PIGK: variants seen among roughly 807,000 people sequenced by gnomAD.
The protein encoded by PIGK is phosphatidylinositol glycan anchor biosynthesis class K, also known as GPI-anchor transamidase.
In PIGK, 42 loss-of-function variants were observed where a neutral mutation model predicts 50.6. That is an observed-to-expected ratio of 0.83 (90% CI 0.65 to 1.07). PIGK has a LOEUF of 1.07. Ranked by LOEUF, PIGK falls within the 50% of genes least tolerant of loss-of-function variation. The pLI, the probability that PIGK is intolerant of heterozygous loss-of-function variation, is 0.00. For synonymous variants in PIGK, 151 were observed against 156.0 expected (o/e 0.97, Z 0.24); for missense variants, 448 against 488.7 (o/e 0.92, Z 0.78).
chr1:77,152,787 A>C (rs1450011719), intron 9 of PIGK, among the ~76,000 whole-genome samples: 1 of 152,066 alleles, frequency 6.6e-6, no homozygotes, highest in Admixed American at 6.6e-5. Context: ...CAAAATCACT[A>C]ATCATCAAAG....
chr1:77,192,373 T>C (rs1444001159), intron 3 of PIGK, among the ~76,000 whole-genome samples: 1 of 152,186 alleles, frequency 6.6e-6, no homozygotes, highest in South Asian at 2.1e-4. Flanking sequence ...AATATAATGG[T>C]GTTCATTCTC....
rs183360957 is a variant in PIGK, at chr1:77,159,481, T to C, written c.813+1814A>G. Among the ~76,000 whole-genome samples, 158 of 152,220 alleles carry C rather than the reference T, an allele frequency of 1.0e-3. 1 individual carries two copies. The highest frequency in any genetic ancestry group is 3.6e-3 in the African/African-American group (148 of 41,538). Reference sequence around the variant, plus strand: ...GTCCTCCAGGTCCCAGAATGGTAGATCCACTGACAGCTTCCACTGTGTACC... The same window carrying C: ...GTCCTCCAGGTCCCAGAATGGTAGACCCACTGACAGCTTCCACTGTGTACC... On this transcript the variant is annotated intron_variant, in intron 8 of 10. Transcript: ENST00000370812.
chr1:77,110,398 G>A (rs1323306553), intron 10 of PIGK, among the ~76,000 whole-genome samples: 1 of 152,056 alleles, frequency 6.6e-6, no homozygotes, highest in Non-Finnish European at 1.5e-5. Context: ...CATGGTACTG[G>A]TACCAAAACA....
At chr1:77,092,605 G>C in intron 10 of PIGK, 115 bp from the exon 11 acceptor site, 1 of 677,640 alleles carries the variant, frequency 1.5e-6, no homozygotes, top group East Asian at 2.8e-5. Context: ...ATGGGGACTA[G>C]TTAGTCAAAT....
At chr1:77,209,377 C>T (rs572771175) in intron 2 of PIGK, among the ~76,000 whole-genome samples, 1 of 150,776 alleles carries the variant, frequency 6.6e-6, no homozygotes, top group Admixed American at 6.6e-5. Context: ...TAAGGTTGGG[C>T]AAAAGGCAGA....
In PIGK at chr1:77,161,337, CA is replaced by C; in HGVS notation, c.770del (p.Leu257TrpfsTer12). 6.2e-7 allele frequency: 1 copy of C among 1,603,722 alleles called. No individual in the cohort carries two copies. Among genetic ancestry groups the C allele is most frequent in the Non-Finnish European group, 8.5e-7 (1 of 1,170,858 alleles). ...TTTGGCTAGCTGGGTTAATTTCTTC[CA>C]AAAATTCCAAGACATAAAATGTGTA... Reference protein sequence around the residue: ...DRYTFYVLEFLEEINPASQTN... With the variant: ...DRYTFYVLEFXEEINPASQTN... On this transcript the variant is annotated frameshift_variant, in exon 8 of 11. Coordinates refer to ENST00000370812, the MANE Select transcript of PIGK (RefSeq NM_005482.3). LOFTEE classifies it high-confidence loss of function.
chr1:77,194,752 T>C, intron 3 of PIGK: 6 of 340,384 alleles, frequency 1.8e-5, no homozygotes, highest in South Asian at 1.5e-4. Context: ...AATTTACCCA[T>C]ATAACAAATC....
intron 10 of PIGK, among the ~76,000 whole-genome samples, chr1:77,099,022 A>G (rs12406806): frequency 0.18 from 26,683 of 152,100 alleles, 2,533 homozygotes; most frequent in East Asian, 0.36. Flanking sequence ...AGGATTTGTA[A>G]CACTTCTAGG....
chr1:77,153,742 G>A (rs1243512784), intron 9 of PIGK: 7 of 151,972 alleles, frequency 4.6e-5, no homozygotes, highest in Admixed American at 4.6e-4. Flanking sequence ...TTGAAATTTT[G>A]AAAATTGCTG....
intron 9 of PIGK, among the ~76,000 whole-genome samples, chr1:77,150,910 C>A (rs988362950): frequency 6.6e-6 from 1 of 152,020 alleles, no homozygotes; most frequent in African/African-American, 2.4e-5. Context: ...CTGAATTCTG[C>A]CAAACATTTA....
intron 3 of PIGK, chr1:77,195,165 G>A: frequency 8.1e-7 from 1 of 1,239,866 alleles, no homozygotes; most frequent in Non-Finnish European, 1.2e-6. Flanking sequence ...ATGAGATTGG[G>A]TCAGAGGAGA....
At chr1:77,122,725 C>T (rs1654130229) in intron 9 of PIGK, among the ~76,000 whole-genome samples, 1 of 152,134 alleles carries the variant, frequency 6.6e-6, no homozygotes, top group African/African-American at 2.4e-5. Context: ...TCCAGCAACC[C>T]TTTCTCTATT....
chr1:77,210,936 A>C (rs1656404234), intron 1 of PIGK, among the ~76,000 whole-genome samples: 1 of 152,040 alleles, frequency 6.6e-6, no homozygotes, highest in Non-Finnish European at 1.5e-5. Context: ...TATAACTCAT[A>C]TCTTTCTATT....
chr1:77,196,475 G>A (rs1656039970), intron 3 of PIGK, among the ~76,000 whole-genome samples: 1 of 152,054 alleles, frequency 6.6e-6, no homozygotes, highest in South Asian at 2.1e-4. Context: ...CTGCAGCCTT[G>A]CCAACATCTT....
At chr1:77,203,474 G>A (rs1469152351) in intron 3 of PIGK, among the ~76,000 whole-genome samples, 1 of 152,164 alleles carries the variant, frequency 6.6e-6, no homozygotes. Context: ...ACTTAGATAA[G>A]AAACTGGTCA....
intron 3 of PIGK, chr1:77,195,541 T>C (rs753378845): frequency 3.2e-5 from 14 of 436,472 alleles, no homozygotes; most frequent in Non-Finnish European, 5.6e-5. Context: ...TTACAGAGAT[T>C]ACAACTCAAA....
chr1:77,187,443 G>A (rs1655776165), intron 3 of PIGK, among the ~76,000 whole-genome samples: 2 of 152,112 alleles, frequency 1.3e-5, no homozygotes, highest in African/African-American at 4.8e-5. Context: ...CCAGCAGGAG[G>A]AACACTGACA....
intron 6 of PIGK, among the ~76,000 whole-genome samples, chr1:77,162,585 G>T (rs1655152867): frequency 1.3e-5 from 2 of 152,082 alleles, no homozygotes; most frequent in South Asian, 4.1e-4. Context: ...TTTAATGAAA[G>T]AATAATATAA....
intron 9 of PIGK, among the ~76,000 whole-genome samples, chr1:77,130,994 T>C (rs1452511379): frequency 2.0e-5 from 3 of 152,146 alleles, no homozygotes; most frequent in Non-Finnish European, 2.9e-5. Context: ...AATTGAATTG[T>C]ATTTATTTAC....
Sources: allele counts gnomAD v4.1 joint callset (sites outside exome capture counted in the v4.1 genomes callset), GRCh38; gene constraint gnomAD v4.1.1; transcripts MANE v1.5; gene names NCBI Gene and HGNC (gene_info 2026-07-23, HGNC 2026-07-21).